SOX6: variants seen among roughly 807,000 people sequenced by gnomAD.
SOX6 encodes SRY-box transcription factor 6.
In SOX6, 11 loss-of-function variants were observed where a neutral mutation model predicts 97.8. That is an observed-to-expected ratio of 0.11 (90% CI 0.07 to 0.19). SOX6 has a LOEUF of 0.19. SOX6 is among the 10% of genes least tolerant of loss of function. The probability of loss-of-function intolerance (pLI) is 1.00; values close to 1 mark genes in which losing one functional copy is unlikely to be tolerated. For missense variants in SOX6, 810 were observed against 1,039.5 expected (o/e 0.78, Z 3.04); for synonymous variants, 360 against 371.4 (o/e 0.97, Z 0.35).
At chr11:16,107,650 A>G (rs1310530532) in intron 7 of SOX6, among the ~76,000 whole-genome samples, 6 of 151,826 alleles carry the variant, frequency 4.0e-5, no homozygotes, top group Non-Finnish European at 8.8e-5. Flanking sequence ...GGATAGAGAG[A>G]GTTATTATTT....
intron 15 of SOX6, among the ~76,000 whole-genome samples, chr11:15,980,493 TA>T (rs1294423851): frequency 6.6e-6 from 1 of 152,002 alleles, no homozygotes; most frequent in Non-Finnish European, 1.5e-5. Flanking sequence ...AAAAAGAGAC[TA>T]AAAAAACCAC....
At chr11:16,465,514 T>C (rs1010320385) in intron 1 of SOX6, among the ~76,000 whole-genome samples, 2 of 152,134 alleles carry the variant, frequency 1.3e-5, no homozygotes, top group Non-Finnish European at 2.9e-5. Context: ...AGAATACTAG[T>C]GGCTGTAATT....
At position 16,325,835 on chromosome 11, in the gene SOX6, G is replaced by A. The variant is rs144178123; in HGVS notation, c.238-7182C>T. ...TTATGAGAACAGAGCCCTCATGAAT[G>A]GTATTAGCAACCTTATAAAAGTGCT... On this transcript the variant is annotated intron_variant, in intron 2 of 15. Transcript: ENST00000683767. Among the ~76,000 whole-genome samples the A allele has an allele frequency of 3.9e-4, 60 of 152,254 alleles. 1 individual carries two copies. The highest frequency in any genetic ancestry group is 1.7e-3 in the South Asian group (8 of 4,828).
upstream of SOX6, among the ~76,000 whole-genome samples, chr11:16,360,571 T>C (rs1443090343): frequency 6.6e-6 from 1 of 152,120 alleles, no homozygotes; most frequent in Non-Finnish European, 1.5e-5. Flanking sequence ...CCCAAACATA[T>C]CTTATACTAC....
chr11:16,180,679 T>C (rs1590002725), intron 6 of SOX6, among the ~76,000 whole-genome samples: 1 of 151,738 alleles, frequency 6.6e-6, no homozygotes, highest in South Asian at 2.1e-4. Context: ...TATTAAAAGG[T>C]AAAAATGGAC....
At chr11:15,978,610 T>C (rs1240023127) in intron 15 of SOX6, among the ~76,000 whole-genome samples, 2 of 151,320 alleles carry the variant, frequency 1.3e-5, no homozygotes, top group Non-Finnish European at 2.9e-5. Flanking sequence ...TTCTCTTCTC[T>C]ATCTAAATTG....
chr11:16,044,210 T>C (rs1855759602), intron 12 of SOX6, among the ~76,000 whole-genome samples: 1 of 152,120 alleles, frequency 6.6e-6, no homozygotes, highest in Admixed American at 6.6e-5. Context: ...CCCAAATCTG[T>C]GCCACATTCC....
At chr11:16,502,352 C>T (rs1383584943) in intron 4 of SOX6, among the ~76,000 whole-genome samples, 1 of 151,866 alleles carries the variant, frequency 6.6e-6, no homozygotes, top group Non-Finnish European at 1.5e-5. Context: ...AGGAGATATA[C>T]CTAATGTTAA....
At chr11:16,483,409 G>C (rs1860378954) in intron 4 of SOX6, among the ~76,000 whole-genome samples, 1 of 151,994 alleles carries the variant, frequency 6.6e-6, no homozygotes, top group Non-Finnish European at 1.5e-5. Context: ...TTGCTGAAAG[G>C]ATTACAGTTA....
chr11:16,462,250 C>G (rs1156665441), intron 1 of SOX6, among the ~76,000 whole-genome samples: 1 of 152,238 alleles, frequency 6.6e-6, no homozygotes, highest in Non-Finnish European at 1.5e-5. Context: ...AACTTGCAAG[C>G]AGGCCAGCCT....
intron 15 of SOX6, among the ~76,000 whole-genome samples, chr11:15,984,744 C>G (rs1195784361): frequency 1.3e-5 from 2 of 152,182 alleles, no homozygotes; most frequent in Non-Finnish European, 2.9e-5. Flanking sequence ...AAGCTTCTCT[C>G]TACCTCTAAA....
At chr11:16,201,636 CTT>C (rs1314415957) in intron 4 of SOX6, among the ~76,000 whole-genome samples, 2 of 104,694 alleles carry the variant, frequency 1.9e-5, no homozygotes, top group African/African-American at 7.4e-5. Flanking sequence ...TTTTTTTTTT[CTT>C]TTTTTTTTTT....
At chr11:16,715,328 C>T (rs575565295) in intron 2 of SOX6, among the ~76,000 whole-genome samples, 97 of 151,968 alleles carry the variant, frequency 6.4e-4, no homozygotes, top group Non-Finnish European at 1.2e-3. Context: ...ACATAAATTC[C>T]ACCTGTTGCT....
chr11:16,701,994 C>A (rs1848098561), intron 3 of SOX6, among the ~76,000 whole-genome samples: 1 of 152,184 alleles, frequency 6.6e-6, no homozygotes, highest in Non-Finnish European at 1.5e-5. Context: ...AGAATCGGCA[C>A]TCCTCCTGTT....
At chr11:16,525,918 T>C (rs968213072) in intron 4 of SOX6, among the ~76,000 whole-genome samples, 1 of 152,012 alleles carries the variant, frequency 6.6e-6, no homozygotes, top group African/African-American at 2.4e-5. Context: ...GAAATGCAAA[T>C]CAAAACCACA....
intron 3 of SOX6, among the ~76,000 whole-genome samples, chr11:16,297,300 C>A (rs550488971): frequency 2.0e-5 from 3 of 152,148 alleles, no homozygotes; most frequent in African/African-American, 7.2e-5. Context: ...AAAAAAAATT[C>A]CATAAATTAC....
At chr11:16,132,212 T>C (rs1469541107) in intron 6 of SOX6, among the ~76,000 whole-genome samples, 1 of 143,622 alleles carries the variant, frequency 7.0e-6, no homozygotes, top group African/African-American at 2.6e-5. Context: ...TCCAAAATTT[T>C]ACAGCTGCTT....
intron 6 of SOX6, among the ~76,000 whole-genome samples, chr11:16,155,199 C>A (rs920529939): frequency 6.6e-6 from 1 of 152,070 alleles, no homozygotes; most frequent in Non-Finnish European, 1.5e-5. Flanking sequence ...TGGTTAGGAT[C>A]CAGGGCTCTA....
intron 15 of SOX6, among the ~76,000 whole-genome samples, chr11:15,980,517 T>C (rs1453352411): frequency 6.6e-6 from 1 of 152,102 alleles, no homozygotes; most frequent in East Asian, 1.9e-4. Context: ...TAACTGTGCA[T>C]AGCTAATTAC....
Sources: gnomAD v4.1 joint callset for allele counts (sites outside exome capture counted in the v4.1 genomes callset) on GRCh38, gnomAD v4.1.1 for gene constraint, MANE v1.5 for transcripts, NCBI Gene and HGNC (gene_info 2026-07-23, HGNC 2026-07-21) for gene names.